The following LPA variants were observed in gnomAD, a reference collection of about 807,000 sequenced individuals.
The protein encoded by LPA is apolipoprotein(a).
A neutral mutation model predicts 197.9 loss-of-function variants in LPA; 199 were observed. That is an observed-to-expected ratio of 1.01 (90% CI 0.90 to 1.13). The LOEUF (loss-of-function observed/expected upper bound fraction) is 1.13, where lower values mean the gene tolerates loss of function less well. LPA is among the 50% of genes most tolerant of loss of function. The pLI is 0.00. For missense variants in LPA, 1,853 were observed against 1,785.8 expected (o/e 1.04, Z -0.68); for synonymous variants, 715 against 639.5 (o/e 1.12, Z -1.78).
At chr6:160,558,040 C>T (rs1327354037) in intron 28 of LPA, among the ~76,000 whole-genome samples, 1 of 151,872 alleles carries the variant, frequency 6.6e-6, no homozygotes, top group Non-Finnish European at 1.5e-5. Context: ...CTGCCTCAGT[C>T]TCCTGAGTAG....
intron 26 of LPA, among the ~76,000 whole-genome samples, chr6:160,582,155 T>A (rs1778813108): frequency 6.6e-6 from 1 of 152,120 alleles, no homozygotes; most frequent in Admixed American, 6.5e-5. Context: ...TTAAGCTTGC[T>A]GGGTTTTTTT....
chr6:160,611,173 C>T (rs1179728190), intron 16 of LPA, among the ~76,000 whole-genome samples: 1 of 152,010 alleles, frequency 6.6e-6, no homozygotes, highest in Non-Finnish European at 1.5e-5. Context: ...CCTCATGAGC[C>T]CAGACAGAAA....
intron 18 of LPA, among the ~76,000 whole-genome samples, chr6:160,602,578 T>G (rs888727937): frequency 6.6e-6 from 1 of 152,234 alleles, no homozygotes; most frequent in Non-Finnish European, 1.5e-5. Flanking sequence ...ATTTGCTGGG[T>G]TCTTCATTAC....
intron 28 of LPA, among the ~76,000 whole-genome samples, chr6:160,566,802 C>G (rs1778463577): frequency 6.6e-6 from 1 of 152,056 alleles, no homozygotes; most frequent in African/African-American, 2.4e-5. Flanking sequence ...GGAAGATCTA[C>G]CAAGCAAATG....
Position 160,599,744 on chromosome 6 carries a change from G to T in LPA, c.3128-85C>A, listed in dbSNP as rs1253953674. On this transcript the variant is annotated intron_variant, in intron 19 of 38. Coordinates refer to ENST00000316300, the MANE Select transcript of LPA (RefSeq NM_005577.4). ...GCCATTTATGACATAAACCAAAAAA[G>T]AGTCACTGAGATTTACAACCATTCT... 17 of 1,439,326 alleles carry T rather than the reference G, an allele frequency of 1.2e-5. No homozygotes were observed. The East Asian group carries it at 3.6e-4, about 31-fold the overall frequency. The allele number at this position is 1,439,326 out of a possible 1,614,324, so 89.2% of individuals were successfully genotyped here. A position where few individuals can be genotyped will look rare whatever the true frequency, so the allele number is the denominator to read the frequency against.
intron 34 of LPA, among the ~76,000 whole-genome samples, chr6:160,541,550 A>G (rs1777981921): frequency 6.6e-6 from 1 of 152,186 alleles, no homozygotes; most frequent in Admixed American, 6.5e-5. Context: ...ATTTTTTATG[A>G]CAAGATCTAT....
At chr6:160,561,478 T>C (rs923478515) in intron 28 of LPA, among the ~76,000 whole-genome samples, 2 of 152,246 alleles carry the variant, frequency 1.3e-5, no homozygotes, top group Non-Finnish European at 2.9e-5. Flanking sequence ...ACTGTAGCCT[T>C]GTAGTATATT....
chr6:160,652,382 T>C (rs1179898856), intron 1 of LPA, among the ~76,000 whole-genome samples: 1 of 152,094 alleles, frequency 6.6e-6, no homozygotes, highest in Non-Finnish European at 1.5e-5. Context: ...CGGAATATAA[T>C]GGAACATCAT....
intron 18 of LPA, 40 bp downstream of exon 18, chr6:160,605,006 C>T (rs1181308594): frequency 6.2e-7 from 1 of 1,611,630 alleles, no homozygotes; most frequent in Non-Finnish European, 8.5e-7. Flanking sequence ...GAAATTTCCA[C>T]TGACCCTTCC....
At chr6:160,531,931 G>A (rs1294102854) in intron 38 of LPA, 41 bp from the exon 39 acceptor site, 4 of 1,608,614 alleles carry the variant, frequency 2.5e-6, no homozygotes, top group Admixed American at 3.3e-5. Context: ...GCTTTAAGCT[G>A]CCAACCTTTT....
intron 28 of LPA, among the ~76,000 whole-genome samples, chr6:160,570,687 G>C (rs763611639): frequency 5.9e-5 from 9 of 152,162 alleles, no homozygotes; most frequent in Non-Finnish European, 1.5e-5. Context: ...CTGGCTTGTA[G>C]AGTTTCTGCA....
intron 28 of LPA, among the ~76,000 whole-genome samples, chr6:160,573,947 G>A (rs1725256500): frequency 6.6e-6 from 1 of 152,104 alleles, no homozygotes; most frequent in African/African-American, 2.4e-5. Flanking sequence ...AGGTGGGTGG[G>A]CCCTAGAACT....
intron 2 of LPA, among the ~76,000 whole-genome samples, chr6:160,647,858 C>A (rs1222571454): frequency 6.6e-6 from 1 of 152,292 alleles, no homozygotes; most frequent in African/African-American, 2.4e-5. Flanking sequence ...AAGATATAAA[C>A]GTTTGATCAA....
chr6:160,660,241 T>C (rs375842257), intron 1 of LPA, among the ~76,000 whole-genome samples: 1 of 147,226 alleles, frequency 6.8e-6, no homozygotes, highest in South Asian at 2.1e-4. Flanking sequence ...CCTATCAGCA[T>C]GTATCTAGCA....
chr6:160,662,250 GTAGATGTATA>G (rs1414621983), intron 1 of LPA, among the ~76,000 whole-genome samples: 1 of 152,214 alleles, frequency 6.6e-6, no homozygotes, highest in African/African-American at 2.4e-5. Flanking sequence ...TAGGCAAAAT[GTAGATGTATA>G]TTGCTACTGA....
At chr6:160,653,473 G>A (rs1780041198) in intron 1 of LPA, among the ~76,000 whole-genome samples, 1 of 146,386 alleles carries the variant, frequency 6.8e-6, no homozygotes, top group Admixed American at 7.0e-5. Flanking sequence ...CTTTTGAAGA[G>A]TACATGAAAG....
chr6:160,559,129 G>A (rs776089598), intron 28 of LPA, among the ~76,000 whole-genome samples: 2 of 152,078 alleles, frequency 1.3e-5, no homozygotes, highest in Non-Finnish European at 2.9e-5. Flanking sequence ...ATCACCACAC[G>A]GAACATTTCT....
chr6:160,539,108 A>G (rs1777937621), intron 36 of LPA, among the ~76,000 whole-genome samples: 1 of 152,090 alleles, frequency 6.6e-6, no homozygotes, highest in African/African-American at 2.4e-5. Flanking sequence ...TGGGCTTGTG[A>G]CCAGGCCCAG....
chr6:160,605,628 TA>T (rs553904048), intron 17 of LPA, among the ~76,000 whole-genome samples: 35 of 152,154 alleles, frequency 2.3e-4, no homozygotes, highest in African/African-American at 8.4e-4. Flanking sequence ...GATTGGGTGT[TA>T]GGGGCAGAGA....
Sources: gnomAD v4.1 joint callset for allele counts (sites outside exome capture counted in the v4.1 genomes callset) on GRCh38, gnomAD v4.1.1 for gene constraint, MANE v1.5 for transcripts, NCBI Gene and HGNC (gene_info 2026-07-23, HGNC 2026-07-21) for gene names.